The following DNAJC10 variants were observed in gnomAD, a reference collection of about 807,000 sequenced individuals.
The protein encoded by DNAJC10 is DnaJ heat shock protein family (Hsp40) member C10.
A neutral mutation model predicts 115.0 loss-of-function variants in DNAJC10; 101 were observed. The ratio of observed to expected loss-of-function variants is 0.88; its 90% CI spans 0.75 to 1.04. The LOEUF (loss-of-function observed/expected upper bound fraction) is 1.04, where lower values mean the gene tolerates loss of function less well. Among genes scored for constraint, DNAJC10 ranks in the 50% least tolerant of loss-of-function variants. The pLI is 0.00. For synonymous variants in DNAJC10, 307 were observed against 301.5 expected (o/e 1.02, Z -0.19); for missense variants, 981 against 928.8 (o/e 1.06, Z -0.73).
chr2:182,769,058 G>C (rs769950242), intron 22 of DNAJC10, among the ~76,000 whole-genome samples: 21 of 152,022 alleles, frequency 1.4e-4, no homozygotes, highest in Non-Finnish European at 2.5e-4. Context: ...TCCCACCTGT[G>C]AGTGAGAACA....
intron 21 of DNAJC10, among the ~76,000 whole-genome samples, chr2:182,760,783 G>A (rs959000266): frequency 1.3e-5 from 2 of 152,048 alleles, no homozygotes; most frequent in Non-Finnish European, 2.9e-5. Context: ...CCAGGCCATG[G>A]GAATTTTTTA....
intron 5 of DNAJC10, among the ~76,000 whole-genome samples, chr2:182,726,690 C>T (rs1693293502): frequency 2.0e-5 from 3 of 152,204 alleles, no homozygotes; most frequent in East Asian, 1.9e-4. Context: ...TCACGACATG[C>T]ATGACTTGCT....
chr2:182,736,085 AT>A (rs1381348958), intron 10 of DNAJC10, among the ~76,000 whole-genome samples, 163 bp from the exon 11 acceptor site: 3 of 140,696 alleles, frequency 2.1e-5, no homozygotes, highest in East Asian at 4.0e-4. Context: ...TTATTAAGTA[AT>A]TTATAATATT....
intron 17 of DNAJC10, among the ~76,000 whole-genome samples, chr2:182,755,462 C>T (rs1325674991): frequency 6.9e-6 from 1 of 144,640 alleles, no homozygotes; most frequent in Non-Finnish European, 1.5e-5. Flanking sequence ...CTCAGTAACA[C>T]TCTTGATAGA....
intron 14 of DNAJC10, among the ~76,000 whole-genome samples, chr2:182,749,559 T>C (rs894939153): frequency 2.6e-5 from 4 of 151,314 alleles, no homozygotes; most frequent in Non-Finnish European, 5.9e-5. Flanking sequence ...TCTCTGCACA[T>C]GAGATGGGTT....
At chr2:182,776,942 ATTCTT>A (rs1436075096) in intron 23 of DNAJC10, among the ~76,000 whole-genome samples, 174 bp from the exon 24 acceptor site, 3 of 152,180 alleles carry the variant, frequency 2.0e-5, no homozygotes, top group Non-Finnish European at 2.9e-5. Flanking sequence ...GAACTAGGAT[ATTCTT>A]TTCTTTTTTA....
Position 182,790,445 on chromosome 2 carries a change from G to A in DNAJC10, c.*13313G>A, listed in dbSNP as rs542752260. 1 of 152,228 alleles carries A rather than the reference G, an allele frequency of 6.6e-6. No homozygotes were observed. Among genetic ancestry groups the A allele is most frequent in the South Asian group, 2.1e-4 (1 of 4,820 alleles). The allele number at this position is 152,228 out of a possible 1,614,324, so 9.4% of individuals were successfully genotyped here. On this transcript the variant is annotated 3_prime_UTR_variant, in exon 24 of 24. Coordinates refer to ENST00000264065, the MANE Select transcript of DNAJC10 (RefSeq NM_018981.4). ...TTTAAACCTGCTATATAAAATGTCA[G>A]ATGTAAAAGCGAATATCTAATGAAG...
rs749079099 is a variant in DNAJC10, at chr2:182,740,304, CA to C, written c.995del (p.Asn332ThrfsTer12). 1 of 1,453,564 alleles carries C rather than the reference CA, an allele frequency of 6.9e-7. No homozygotes were observed. The allele number at this position is 1,453,564 out of a possible 1,614,324, so 90.0% of individuals were successfully genotyped here. ...NKEKNSILFLNSLDAKEIYLE... is the reference protein window; with the variant it reads ...NKEKNSILFLXSLDAKEIYLE... ...ATGTGATTTTCTTTTTCTAGTTTCT[CA>C]ACTCATTGGATGCTAAAGAAATATA... On this transcript the variant is annotated frameshift_variant, in exon 12 of 24. Coordinates refer to ENST00000264065, the MANE Select transcript of DNAJC10 (RefSeq NM_018981.4). LOFTEE classifies it high-confidence loss of function.
intron 22 of DNAJC10, among the ~76,000 whole-genome samples, chr2:182,769,949 T>C (rs1449668091): frequency 6.6e-6 from 1 of 152,228 alleles, no homozygotes; most frequent in African/African-American, 2.4e-5. Flanking sequence ...TTTTATGGTT[T>C]TAGATCTTAC....
intron 17 of DNAJC10, among the ~76,000 whole-genome samples, chr2:182,755,612 C>G (rs1694138534): frequency 6.6e-6 from 1 of 152,158 alleles, no homozygotes; most frequent in Non-Finnish European, 1.5e-5. Context: ...CCCAGTGAAG[C>G]TAGCCTCTTC....
intron 8 of DNAJC10, 124 bp downstream of exon 8, chr2:182,730,065 T>C: frequency 1.7e-6 from 1 of 603,954 alleles, no homozygotes; most frequent in Non-Finnish European, 2.9e-6. Context: ...TCCATGTTTC[T>C]TAGAAGGGAA....
chr2:182,752,179 C>A lies in DNAJC10; in HGVS notation c.1542C>A (p.Leu514=). The change falls in exon 16 of 24, where the codon CTC becomes CTA. Residue 514 remains leucine (L), a synonymous_variant. Coordinates refer to ENST00000264065, the MANE Select transcript of DNAJC10 (RefSeq NM_018981.4). ...GTLDCTVHEG[L]CNMYNIQAYP... is the part of the protein sequence containing the mutation. ...TAGATTGTACAGTTCATGAGGGACTCTGTAACATGGTAAGGCAAAGTATCA... is the reference window on the plus strand; with the variant it reads ...TAGATTGTACAGTTCATGAGGGACTATGTAACATGGTAAGGCAAAGTATCA... 6.6e-7 allele frequency: 1 copy of A among 1,514,148 alleles called. No individual in the cohort carries two copies. Among genetic ancestry groups the A allele is most frequent in the Non-Finnish European group, 9.0e-7 (1 of 1,116,382 alleles). The allele number at this position is 1,514,148 out of a possible 1,614,324, so 93.8% of individuals were successfully genotyped here. A position where few individuals can be genotyped will look rare whatever the true frequency, so the allele number is the denominator to read the frequency against.
At chr2:182,724,845 TACTC>T in intron 5 of DNAJC10, among the ~76,000 whole-genome samples, 1 of 152,208 alleles carries the variant, frequency 6.6e-6, no homozygotes, top group African/African-American at 2.4e-5. Flanking sequence ...TTATTCTTAT[TACTC>T]AGCAATCAGT....
chr2:182,769,774 T>C (rs1300323742), intron 22 of DNAJC10, among the ~76,000 whole-genome samples: 3 of 152,120 alleles, frequency 2.0e-5, no homozygotes, highest in Non-Finnish European at 1.5e-5. Context: ...GTAGGTTGCC[T>C]TTCACTCTGA....
At position 182,789,740 on chromosome 2, in the gene DNAJC10, G is replaced by C. The variant is rs1277364624; in HGVS notation, c.*12608G>C. 1 of 151,926 alleles carries C rather than the reference G, an allele frequency of 6.6e-6. No homozygotes were observed. Among genetic ancestry groups the C allele is most frequent in the African/African-American group, 2.4e-5 (1 of 41,322 alleles). 9.4% of individuals were successfully genotyped at this position (151,926 alleles called of 1,614,324 possible). The stretch of plus-strand genomic sequence containing the variant: ...AGTAATTCTATTTTTAATATGGGGG[G>C]ACCTCCATACTGTTTTTCATAGCAG... On this transcript the variant is annotated 3_prime_UTR_variant, in exon 24 of 24. Transcript: ENST00000264065.
Position 182,728,981 on chromosome 2 carries a change from T to C in DNAJC10, c.620T>C (p.Phe207Ser), listed in dbSNP as rs1416176592. 1.9e-6 allele frequency: 3 copies of C among 1,614,084 alleles called. No individual in the cohort carries two copies. Among genetic ancestry groups the C allele is most frequent in the East Asian group, 2.2e-5 (1 of 44,856 alleles). Residue 207 changes from phenylalanine (F) to serine (S), a missense_variant, in exon 7 of 24, where the codon TTT (phenylalanine) becomes TCT (serine). Transcript: ENST00000264065. Reference sequence around the variant, plus strand: ...AACAGCTATCCCAGCCTCTTCATTTTTCGGTCTGGAATGGTAAGGGATAAA... The same window carrying C: ...AACAGCTATCCCAGCCTCTTCATTTCTCGGTCTGGAATGGTAAGGGATAAA... ...GVNSYPSLFI[F>S]RSGMAPVKYH... is the part of the protein sequence containing the mutation.
intron 21 of DNAJC10, among the ~76,000 whole-genome samples, chr2:182,761,484 G>A (rs577027976): frequency 7.2e-5 from 11 of 152,138 alleles, no homozygotes; most frequent in Non-Finnish European, 1.3e-4. Flanking sequence ...ACTAGAGGCA[G>A]CAAAGATATT....
At position 182,727,060 on chromosome 2, in the gene DNAJC10, T is replaced by G. The variant is rs569128744; in HGVS notation, c.419-1516T>G. On this transcript the variant is annotated intron_variant, in intron 5 of 23. Coordinates refer to ENST00000264065, the MANE Select transcript of DNAJC10 (RefSeq NM_018981.4). Reference sequence around the variant, plus strand: ...GGTATGTACATTGTTTTGTTTGTTTTTTTTTTTTAGACATAATGCTATTAC... The same window carrying G: ...GGTATGTACATTGTTTTGTTTGTTTGTTTTTTTTAGACATAATGCTATTAC... Among the ~76,000 whole-genome samples, 3 of 151,688 alleles carry G rather than the reference T, an allele frequency of 2.0e-5. No homozygotes were observed. The East Asian group carries it at 5.8e-4, about 29-fold the overall frequency.
rs142721603 is a variant in DNAJC10 at position 182,786,344 on chromosome 2, G to A, written c.*9212G>A. ...TTTCTTTTCATTACTTCCTTTCAGCGTGGAGCCTGAGCATCATTTCACCAT... is the reference window on the plus strand; with the variant it reads ...TTTCTTTTCATTACTTCCTTTCAGCATGGAGCCTGAGCATCATTTCACCAT... On this transcript the variant is annotated 3_prime_UTR_variant, in exon 24 of 24. Transcript: ENST00000264065. 50 of 152,234 alleles carry A rather than the reference G, an allele frequency of 3.3e-4. No homozygotes were observed. Among genetic ancestry groups the A allele is most frequent in the African/African-American group, 1.1e-3 (44 of 41,536 alleles). 9.4% of individuals were successfully genotyped at this position (152,234 alleles called of 1,614,324 possible).
Sources: allele counts gnomAD v4.1 joint callset (sites outside exome capture counted in the v4.1 genomes callset), GRCh38; gene constraint gnomAD v4.1.1; transcripts MANE v1.5; gene names NCBI Gene and HGNC (gene_info 2026-07-23, HGNC 2026-07-21).